The following RTF1 variants were observed in gnomAD, a reference collection of about 807,000 sequenced individuals.
RTF1 encodes RTF1 homolog, Paf1/RNA polymerase II complex component.
RTF1 carries 10 observed loss-of-function variants against 95.7 expected under a neutral mutation model. The ratio of observed to expected loss-of-function variants is 0.10; its 90% confidence interval spans 0.06 to 0.18. The LOEUF is 0.18. RTF1 is among the 10% of genes least tolerant of loss of function. The pLI is 1.00. For synonymous variants in RTF1, 305 were observed against 311.8 expected (o/e 0.98, Z 0.23); for missense variants, 458 against 875.6 (o/e 0.52, Z 6.02).
intron 2 of RTF1, among the ~76,000 whole-genome samples, chr15:41,443,421 T>G (rs907324543): frequency 8.5e-5 from 13 of 152,156 alleles, no homozygotes; most frequent in Non-Finnish European, 8.8e-5. Flanking sequence ...TTTGTAAGAT[T>G]TACATTGGCC....
Position 41,475,557 on chromosome 15 carries a change from A to T in RTF1, c.1319A>T (p.Glu440Val). 5 of 1,614,058 alleles carry T rather than the reference A, an allele frequency of 3.1e-6. No individual in the cohort carries two copies. Among genetic ancestry groups the T allele is most frequent in the Non-Finnish European group, 4.2e-6 (5 of 1,180,018 alleles). The change falls in exon 10 of 18, where the codon GAG (glutamate) becomes GTG (valine). Residue 440 changes from glutamate (E) to valine (V), a missense_variant. Around this residue, in one of 11 missense-constraint regions of RTF1, gnomAD observed 150 missense variants for 275.7 expected, o/e 0.54. Coordinates refer to ENST00000389629, the MANE Select transcript of RTF1 (RefSeq NM_015138.5). Reference protein sequence around the residue: ...HGNDQRVFRLEFVSNQEFTES... With the variant: ...HGNDQRVFRLVFVSNQEFTES... ...AATGACCAACGCGTGTTCCGTTTAG[A>T]GTTTGTCTCAAACCAAGAATTCACC...
chr15:41,460,699 T>A (rs973788447), intron 4 of RTF1, among the ~76,000 whole-genome samples: 5 of 143,636 alleles, frequency 3.5e-5, no homozygotes, highest in African/African-American at 7.7e-5. Context: ...TAAAAAAAAA[T>A]TTTTTTTTTT....
chr15:41,439,479 G>T (rs190809685), intron 2 of RTF1, among the ~76,000 whole-genome samples: 1 of 152,214 alleles, frequency 6.6e-6, no homozygotes, highest in African/African-American at 2.4e-5. Flanking sequence ...CCGAGTGATG[G>T]TGTTAACTTC....
intron 6 of RTF1, among the ~76,000 whole-genome samples, 177 bp from the exon 7 acceptor site, chr15:41,470,080 G>C (rs1365043973): frequency 6.6e-6 from 1 of 152,144 alleles, no homozygotes; most frequent in African/African-American, 2.4e-5. Flanking sequence ...TTTGGCACCT[G>C]AATAATTTTA....
Position 41,466,231 on chromosome 15 carries a change from G to A in RTF1, c.868G>A (p.Glu290Lys). The part of the protein sequence containing the change: ...QAMEELKAER[E>K]KRKNRTAELL... ...CATGGAGGAGCTAAAAGCAGAGCGAGAAAAACGAAAGAACAGAACAGGTAA... is the reference window on the plus strand; with the variant it reads ...CATGGAGGAGCTAAAAGCAGAGCGAAAAAAACGAAAGAACAGAACAGGTAA... Residue 290 changes from glutamate (E) to lysine (K), a missense_variant, in exon 6 of 18, where the codon GAA becomes AAA. By Grantham distance (56) the Glu-to-Lys change is moderately conservative (BLOSUM62 1). Around this residue, in one of 11 missense-constraint regions of RTF1, gnomAD observed 7 missense variants for 54.3 expected, o/e 0.13. Transcript: ENST00000389629. The A allele has an allele frequency of 6.3e-7, 1 of 1,584,398 alleles. No individual in the cohort carries two copies. Among genetic ancestry groups the A allele is most frequent in the Admixed American group, 1.9e-5 (1 of 53,776 alleles).
At chr15:41,425,048 G>C (rs559400480) in intron 1 of RTF1, among the ~76,000 whole-genome samples, 53 of 152,164 alleles carry the variant, frequency 3.5e-4, no homozygotes, top group African/African-American at 1.2e-3. Flanking sequence ...CCACTGGAGG[G>C]CGTCAGCCTC....
intron 12 of RTF1, 151 bp downstream of exon 12, chr15:41,476,674 A>G: frequency 5.9e-6 from 4 of 677,812 alleles, no homozygotes; most frequent in Non-Finnish European, 1.0e-5. Context: ...GCACCTGGGC[A>G]ACGTTCCTTG....
chr15:41,458,241 T>G (rs1463713372), intron 4 of RTF1, among the ~76,000 whole-genome samples: 1 of 152,182 alleles, frequency 6.6e-6, no homozygotes, highest in African/African-American at 2.4e-5. Flanking sequence ...GGAGAGACTT[T>G]GTCCTTTTCG....
rs972218838 is a variant in RTF1, at chr15:41,428,700, G to A, written c.199-9621G>A. Among the ~76,000 whole-genome samples the A allele has an allele frequency of 4.6e-5, 7 of 151,728 alleles. No individual in the cohort carries two copies. The East Asian group carries it at 1.2e-3, about 25-fold the overall frequency. Reference sequence around the variant, plus strand: ...TGATCCTCCCTCCTCTGCCTCTGGAGTAGCTGGGATCACAGGTGTGTGCCA... The same window carrying A: ...TGATCCTCCCTCCTCTGCCTCTGGAATAGCTGGGATCACAGGTGTGTGCCA... On this transcript the variant is annotated intron_variant, in intron 1 of 17. Transcript: ENST00000389629.
Position 41,417,182 on chromosome 15 carries a change from G to A in RTF1, c.67G>A (p.Gly23Ser). 1 of 1,265,488 alleles carries A rather than the reference G, an allele frequency of 7.9e-7. No homozygotes were observed. The highest frequency in any genetic ancestry group is 1.0e-6 in the Non-Finnish European group (1 of 1,001,254). 78.4% of individuals were successfully genotyped at this position (1,265,488 alleles called of 1,614,324 possible). Reference protein sequence around the residue: ...AAAAVAVPLAGGQEGSPGGGR... With the variant: ...AAAAVAVPLASGQEGSPGGGR... ...GGCGGCAGTGGCGGTCCCACTGGCA[G>A]GCGGGCAAGAGGGGAGTCCGGGCGG... is the stretch of plus-strand genomic sequence containing the variant. Residue 23 changes from glycine to serine, a missense_variant, in exon 1 of 18, where the codon GGC becomes AGC. Gly to Ser is a moderately conservative substitution (Grantham distance 56). Coordinates refer to ENST00000389629, the MANE Select transcript of RTF1 (RefSeq NM_015138.5).
chr15:41,467,844 G>A (rs1048051228), intron 6 of RTF1, among the ~76,000 whole-genome samples: 4 of 152,074 alleles, frequency 2.6e-5, no homozygotes, highest in Non-Finnish European at 4.4e-5. Flanking sequence ...GGCCAACATG[G>A]TGCAAGCCCA....
intron 1 of RTF1, among the ~76,000 whole-genome samples, chr15:41,419,927 C>T (rs1377113644): frequency 2.0e-5 from 3 of 152,144 alleles, no homozygotes; most frequent in Admixed American, 2.0e-4. Context: ...TCAAGCGATT[C>T]TCCTGCTTCA....
At chr15:41,452,778 T>C (rs1388901621) in intron 2 of RTF1, 123 bp from the exon 3 acceptor site, 1 of 722,484 alleles carries the variant, frequency 1.4e-6, no homozygotes, top group African/African-American at 1.9e-5. Flanking sequence ...TTTTTTCATA[T>C]GAAGTGTATT....
At chr15:41,453,850 T>A (rs966741946) in intron 3 of RTF1, among the ~76,000 whole-genome samples, 2 of 152,184 alleles carry the variant, frequency 1.3e-5, no homozygotes, top group African/African-American at 4.8e-5. Flanking sequence ...AAAACATTTT[T>A]AAAAATAATG....
intron 12 of RTF1, 43 bp from the exon 13 acceptor site, chr15:41,477,122 T>G (rs747825515): frequency 6.2e-6 from 10 of 1,613,774 alleles, no homozygotes; most frequent in Middle Eastern, 1.6e-4. Flanking sequence ...TGGAGTCAGT[T>G]GTATGTAGCC....
At chr15:41,436,819 T>C (rs2050705979) in intron 1 of RTF1, among the ~76,000 whole-genome samples, 1 of 151,470 alleles carries the variant, frequency 6.6e-6, no homozygotes, top group South Asian at 2.1e-4. Flanking sequence ...CCAGGCATGG[T>C]GGCTCACGCC....
chr15:41,442,060 AGCTCAAACTTATT>A (rs1353618640), intron 2 of RTF1, among the ~76,000 whole-genome samples: 4 of 152,116 alleles, frequency 2.6e-5, no homozygotes, highest in Non-Finnish European at 5.9e-5. Flanking sequence ...TATTACTGTG[AGCTCAAACTTATT>A]GCTGCTGTGG....
chr15:41,446,795 C>T (rs181620122), intron 2 of RTF1, among the ~76,000 whole-genome samples: 38 of 151,670 alleles, frequency 2.5e-4, no homozygotes, highest in Middle Eastern at 3.4e-3. Context: ...GTCACTAGCC[C>T]AGCTGTTATT....
At chr15:41,470,650 CTTTTTT>C (rs58221683) in intron 7 of RTF1, among the ~76,000 whole-genome samples, 2 of 75,488 alleles carry the variant, frequency 2.6e-5, no homozygotes, top group East Asian at 3.9e-4. Flanking sequence ...CATTCATTTT[CTTTTTT>C]TTTTTTTTTT....
Sources: allele counts gnomAD v4.1 joint callset (sites outside exome capture counted in the v4.1 genomes callset), GRCh38; gene constraint gnomAD v4.1.1; regional missense constraint gnomAD v4.1.1; transcripts MANE v1.5; gene names NCBI Gene and HGNC (gene_info 2026-07-23, HGNC 2026-07-21).